Variants in COX7B2 observed in about 807,000 individuals in gnomAD.
COX7B2 encodes cytochrome c oxidase subunit 7B2, mitochondrial.
For missense variants in COX7B2, 109 were observed against 95.9 expected, an observed-to-expected ratio of 1.14 and a Z score of -0.57; for synonymous variants, 37 against 32.1, an observed-to-expected ratio of 1.15 and a Z score of -0.51.
At chr4:46,791,177 T>TA (rs1316871981) in intron 2 of COX7B2, among the ~76,000 whole-genome samples, 5 of 150,516 alleles carry the variant, frequency 3.3e-5, no homozygotes, top group African/African-American at 4.9e-5. Context: ...TTTTTGTATT[T>TA]TTTTTTTTTT....
chr4:46,831,665 T>C (rs933541502), intron 2 of COX7B2, among the ~76,000 whole-genome samples: 1 of 152,198 alleles, frequency 6.6e-6, no homozygotes. Flanking sequence ...GCACTCTATC[T>C]AGCTAATCTG....
At chr4:46,865,588 C>T (rs1353219171) in intron 1 of COX7B2, among the ~76,000 whole-genome samples, 2 of 152,166 alleles carry the variant, frequency 1.3e-5, no homozygotes, top group Non-Finnish European at 2.9e-5. Context: ...CTTTGAACAA[C>T]TGCTTCCTCC....
intron 1 of COX7B2, among the ~76,000 whole-genome samples, chr4:46,865,910 A>G (rs1349500188): frequency 2.0e-5 from 3 of 152,130 alleles, no homozygotes; most frequent in Non-Finnish European, 4.4e-5. Flanking sequence ...CCTACTTGTT[A>G]GGTGGAATTC....
intron 2 of COX7B2, among the ~76,000 whole-genome samples, chr4:46,778,597 A>T (rs997450524): frequency 3.3e-5 from 5 of 152,168 alleles, no homozygotes; most frequent in Non-Finnish European, 7.4e-5. Context: ...CATTCAAATT[A>T]AAAAATGTGC....
intron 2 of COX7B2, among the ~76,000 whole-genome samples, chr4:46,752,805 G>A (rs1055529563): frequency 6.6e-5 from 10 of 152,148 alleles, no homozygotes; most frequent in Non-Finnish European, 1.3e-4. Flanking sequence ...TTGATGTGCT[G>A]CTGGATTTGG....
At chr4:46,803,731 TC>T (rs374859748) in intron 2 of COX7B2, among the ~76,000 whole-genome samples, 171 of 124,794 alleles carry the variant, frequency 1.4e-3, no homozygotes, top group African/African-American at 4.4e-3. Flanking sequence ...TGGTTTACTT[TC>T]TTTTTTTTTT....
At chr4:46,871,000 T>A (rs771731670) in intron 1 of COX7B2, among the ~76,000 whole-genome samples, 55 of 151,982 alleles carry the variant, frequency 3.6e-4, no homozygotes, top group Non-Finnish European at 7.4e-4. Context: ...ATTTTAAAAT[T>A]CCTATGGAAC....
intron 2 of COX7B2, among the ~76,000 whole-genome samples, chr4:46,747,315 A>G (rs1330852538): frequency 2.8e-5 from 2 of 71,060 alleles, no homozygotes; most frequent in Admixed American, 3.6e-4. Context: ...TTATTTTATT[A>G]TTTTCTGAGT....
chr4:46,907,086 T>C (rs988900470), intron 1 of COX7B2, among the ~76,000 whole-genome samples: 22 of 152,332 alleles, frequency 1.4e-4, no homozygotes, highest in Admixed American at 1.4e-3. Flanking sequence ...CAAGGAGCCA[T>C]TCCATTTGAG....
At chr4:46,860,422 A>G (rs1224829549) in intron 1 of COX7B2, among the ~76,000 whole-genome samples, 1 of 152,114 alleles carries the variant, frequency 6.6e-6, no homozygotes, top group Non-Finnish European at 1.5e-5. Flanking sequence ...TGGTCTGCAC[A>G]TTGGTCTCCT....
chr4:46,829,682 G>A (rs895290109), intron 2 of COX7B2, among the ~76,000 whole-genome samples: 3 of 152,168 alleles, frequency 2.0e-5, no homozygotes, highest in African/African-American at 7.2e-5. Flanking sequence ...CATTTGAACT[G>A]GATCTTAAGA....
At chr4:46,787,447 CAAATAAAAAA>C (rs1717807871) in intron 2 of COX7B2, among the ~76,000 whole-genome samples, 1 of 149,838 alleles carries the variant, frequency 6.7e-6, no homozygotes, top group African/African-American at 2.5e-5. Context: ...GACTCTGTCT[CAAATAAAAAA>C]AAATAAAAAA....
At chr4:46,804,772 T>C (rs1344715828) in intron 2 of COX7B2, among the ~76,000 whole-genome samples, 3 of 152,218 alleles carry the variant, frequency 2.0e-5, no homozygotes, top group Non-Finnish European at 2.9e-5. Context: ...CTTCACCCAG[T>C]GTATCCCCTA....
intron 2 of COX7B2, among the ~76,000 whole-genome samples, chr4:46,816,566 T>G (rs1719561310): frequency 6.6e-6 from 1 of 152,206 alleles, no homozygotes; most frequent in African/African-American, 2.4e-5. Flanking sequence ...GTCTGAAACT[T>G]GTTATCCCCT....
At chr4:46,810,157 C>T (rs1719216002) in intron 2 of COX7B2, among the ~76,000 whole-genome samples, 1 of 151,910 alleles carries the variant, frequency 6.6e-6, no homozygotes, top group Admixed American at 6.6e-5. Context: ...TTTCAGGCAG[C>T]ATATAGTTGG....
chr4:46,781,050 CA>C (rs1305372515), intron 2 of COX7B2, among the ~76,000 whole-genome samples: 1 of 152,022 alleles, frequency 6.6e-6, no homozygotes, highest in African/African-American at 2.4e-5. Context: ...GTTATTTTTA[CA>C]TTAGAAAAGT....
At chr4:46,879,586 G>T (rs1718575173) in intron 1 of COX7B2, among the ~76,000 whole-genome samples, 1 of 151,454 alleles carries the variant, frequency 6.6e-6, no homozygotes, top group Non-Finnish European at 1.5e-5. Flanking sequence ...TTTTCTAAAT[G>T]ATGATCCATT....
intron 2 of COX7B2, among the ~76,000 whole-genome samples, chr4:46,756,716 G>A (rs909248632): frequency 2.6e-5 from 4 of 152,050 alleles, no homozygotes; most frequent in African/African-American, 7.2e-5. Flanking sequence ...CTAGTCATCA[G>A]AGAAATGCAA....
At chr4:46,767,926 C>T (rs1394886360) in intron 2 of COX7B2, among the ~76,000 whole-genome samples, 3 of 152,208 alleles carry the variant, frequency 2.0e-5, no homozygotes, top group Non-Finnish European at 4.4e-5. Flanking sequence ...GCTCAAATCC[C>T]TTATGGGAGG....
Sources: allele counts gnomAD v4.1 joint callset (sites outside exome capture counted in the v4.1 genomes callset), GRCh38; gene constraint gnomAD v4.1.1; transcripts MANE v1.5; gene names NCBI Gene and HGNC (gene_info 2026-07-23, HGNC 2026-07-21).